The following AKAP3 variants were observed in gnomAD, a reference collection of about 807,000 sequenced individuals.
AKAP3 encodes A-kinase anchor protein 3.
AKAP3 carries 27 observed loss-of-function variants against 57.2 expected under a neutral mutation model. The observed-to-expected ratio is 0.47, with a 90% confidence interval of 0.35 to 0.65. The LOEUF is 0.65. Ranked by LOEUF, AKAP3 falls within the 30% of genes least tolerant of loss-of-function variation. AKAP3 has a pLI of 0.01. For synonymous variants in AKAP3, 334 were observed against 392.3 expected, an observed-to-expected ratio of 0.85 and a Z score of 1.76; for missense variants, 959 against 1,040.0, an observed-to-expected ratio of 0.92 and a Z score of 1.07.
intron 4 of AKAP3, chr12:4,631,355 G>A: frequency 1.4e-6 from 1 of 701,318 alleles, no homozygotes; most frequent in South Asian, 1.5e-5. Flanking sequence ...TCACATGGAA[G>A]GAGAAGTGCT....
chr12:4,630,563 T>C (rs572159501), intron 4 of AKAP3, among the ~76,000 whole-genome samples: 1 of 152,356 alleles, frequency 6.6e-6, no homozygotes, highest in African/African-American at 2.4e-5. Flanking sequence ...TTGTGCTTGG[T>C]TCAAAATTCT....
Position 4,626,966 on chromosome 12 carries a change from T to G in AKAP3, c.1936A>C (p.Thr646Pro). ...GTCAGCCCAGAAAGGGCACCAGGGGTCTCATCATCCTCATATAGCCTGGGG... is the reference window on the plus strand; with the variant it reads ...GTCAGCCCAGAAAGGGCACCAGGGGGCTCATCATCCTCATATAGCCTGGGG... ...SPPRLYEDDE[T>P]PGALSGLTKM... The change falls in exon 5 of 6, where the codon ACC becomes CCC. Residue 646 changes from threonine to proline, a missense_variant. Physicochemically the swap from Thr to Pro is conservative, Grantham distance 38. Coordinates refer to ENST00000228850, the MANE Select transcript of AKAP3 (RefSeq NM_001278309.2). 1 of 1,613,796 alleles carries G rather than the reference T, an allele frequency of 6.2e-7. No individual in the cohort carries two copies. Among genetic ancestry groups the G allele is most frequent in the Non-Finnish European group, 8.5e-7 (1 of 1,179,974 alleles).
intron 4 of AKAP3, among the ~76,000 whole-genome samples, chr12:4,633,411 C>A (rs1388586918): frequency 1.3e-5 from 2 of 152,040 alleles, no homozygotes; most frequent in African/African-American, 4.8e-5. Flanking sequence ...ATTTTTAAAC[C>A]TAAAACGTGT....
rs1455334863 is a variant in AKAP3, at chr12:4,628,487, C to T, written c.415G>A (p.Ala139Thr). Residue 139 changes from alanine to threonine, a missense_variant, in exon 5 of 6, where the codon GCC becomes ACC. Transcript: ENST00000228850. ...NRLTNLVIAMARKEINEKIDG... is the reference protein window; with the variant it reads ...NRLTNLVIAMTRKEINEKIDG... ...ATCTTCTCATTGATCTCTTTGCGGG[C>T]CATGGCTATGACTAGATTCGTGAGG... The T allele has an allele frequency of 6.2e-7, 1 of 1,614,064 alleles. No individual in the cohort carries two copies. The highest frequency in any genetic ancestry group is 8.5e-7 in the Non-Finnish European group (1 of 1,180,038).
rs750027446 is a variant in AKAP3 at position 4,628,125 on chromosome 12, C to G, written c.777G>C (p.Arg259Ser). Reference protein sequence around the residue: ...RNGDYAREGGRFFPRERKRFR... With the variant: ...RNGDYAREGGSFFPRERKRFR... ...ACCTCTTTCTCTCCCGAGGAAAGAACCTTCCACCCTCTCTGGCATAATCTC... is the reference window on the plus strand; with the variant it reads ...ACCTCTTTCTCTCCCGAGGAAAGAAGCTTCCACCCTCTCTGGCATAATCTC... The change falls in exon 5 of 6, where the codon AGG becomes AGC. Residue 259 changes from arginine (R) to serine (S), a missense_variant. Transcript: ENST00000228850. 3.5e-5 allele frequency: 56 copies of G among 1,614,046 alleles called. No homozygotes were observed. Among genetic ancestry groups the G allele is most frequent in the Non-Finnish European group, 4.6e-5 (54 of 1,180,024 alleles).
chr12:4,628,948 A>T (rs1040174875), intron 4 of AKAP3, 143 bp from the exon 5 acceptor site: 2 of 742,132 alleles, frequency 2.7e-6, no homozygotes, highest in African/African-American at 3.5e-5. Flanking sequence ...TTTATTAAGT[A>T]CTCACTGTGT....
chr12:4,636,981 A>C (rs1202926397), intron 4 of AKAP3, among the ~76,000 whole-genome samples: 1 of 152,160 alleles, frequency 6.6e-6, no homozygotes, highest in Non-Finnish European at 1.5e-5. Context: ...CCTGGGCTCA[A>C]GCAATCCTCC....
Position 4,626,550 on chromosome 12 carries a change from C to T in AKAP3, c.2352G>A (p.Glu784=). 6.2e-7 allele frequency: 1 copy of T among 1,614,174 alleles called. No homozygotes were observed. The highest frequency in any genetic ancestry group is 8.5e-7 in the Non-Finnish European group (1 of 1,180,012). The change falls in exon 5 of 6, where the codon GAG becomes GAA. Residue 784 remains glutamate, a synonymous_variant. Coordinates refer to ENST00000228850, the MANE Select transcript of AKAP3 (RefSeq NM_001278309.2). ...QAVLQWVAAS[E]LNVPILYFAG... is the part of the protein sequence containing the mutation. The stretch of plus-strand genomic sequence containing the variant: ...CAAAATACAAAATAGGGACATTGAG[C>T]TCAGAGGCAGCTACCCATTGAAGGA...
chr12:4,626,708 T>C lies in AKAP3; in HGVS notation c.2194A>G (p.Asn732Asp). Residue 732 changes from asparagine to aspartate, a missense_variant, in exon 5 of 6, where the codon AAT (asparagine) becomes GAT (aspartate). Physicochemically the swap from Asn to Asp is conservative, Grantham distance 23. Transcript: ENST00000228850. The part of the protein sequence containing the change: ...GTGSAEAVLQ[N>D]AYQAIHNEMR... ...TCATTATGGATAGCTTGATAGGCATTCTGCAGGACAGCTTCTGCTGACCCT... is the reference window on the plus strand; with the variant it reads ...TCATTATGGATAGCTTGATAGGCATCCTGCAGGACAGCTTCTGCTGACCCT... 1 of 1,614,028 alleles carries C rather than the reference T, an allele frequency of 6.2e-7. No individual in the cohort carries two copies. Among genetic ancestry groups the C allele is most frequent in the African/African-American group, 1.3e-5 (1 of 74,934 alleles).
rs145618639 is a variant in AKAP3 at position 4,626,830 on chromosome 12, G to A, written c.2072C>T (p.Ser691Leu). The A allele has an allele frequency of 7.5e-6, 12 of 1,605,928 alleles. No individual in the cohort carries two copies. Among genetic ancestry groups the A allele is most frequent in the African/African-American group, 7.0e-5 (5 of 71,788 alleles). The change falls in exon 5 of 6, where the codon TCG (serine) becomes TTG (leucine). Residue 691 changes from serine (S) to leucine (L), a missense_variant. Coordinates refer to ENST00000228850, the MANE Select transcript of AKAP3 (RefSeq NM_001278309.2). The stretch of plus-strand genomic sequence containing the variant: ...CTTGTCATCTCCCAGCTCTGCCAAC[G>A]AAGCATCACAGGACTTAGCAATGAT... ...CVIIAKSCDA[S>L]LAELGDDKSG...
rs1336296576 is a variant in AKAP3 at position 4,626,917 on chromosome 12, T to A, written c.1985A>T (p.Asp662Val). 6.2e-7 allele frequency: 1 copy of A among 1,614,148 alleles called. No homozygotes were observed. Among genetic ancestry groups the A allele is most frequent in the South Asian group, 1.1e-5 (1 of 91,084 alleles). Residue 662 changes from aspartate (D) to valine (V), a missense_variant, in exon 5 of 6, where the codon GAT becomes GTT. By Grantham distance (152) the Asp-to-Val change is radical. Transcript: ENST00000228850. ...GLTKMAVSQI[D>V]GHMSGQMVEH... ...TACCATCTGCCCACTCATGTGGCCA[T>A]CTATCTGGCTGACAGCCATCTTGGT...
chr12:4,619,049 A>G (rs1945316983), intron 5 of AKAP3, among the ~76,000 whole-genome samples: 1 of 152,248 alleles, frequency 6.6e-6, no homozygotes, highest in Admixed American at 6.5e-5. Flanking sequence ...TGAATGGCTA[A>G]TGAGCACATA....
intron 2 of AKAP3, among the ~76,000 whole-genome samples, chr12:4,643,391 T>A (rs376178904): frequency 3.0e-4 from 46 of 152,234 alleles, no homozygotes; most frequent in African/African-American, 1.0e-3. Context: ...AGTCAGTGAA[T>A]GGATTCATAA....
chr12:4,640,453 A>G (rs1945623668), intron 3 of AKAP3, among the ~76,000 whole-genome samples: 1 of 152,240 alleles, frequency 6.6e-6, no homozygotes, highest in Non-Finnish European at 1.5e-5. Context: ...TTAACTGGAA[A>G]TATTTGTTTT....
Position 4,615,716 on chromosome 12 carries a change from G to A in AKAP3, c.*23C>T, listed in dbSNP as rs1474872543. ...AAGGGCCGGCCCCACTGCCAGAAGA[G>A]GGGAAAGCAGTGGGGTTGCCGATTA... On this transcript the variant is annotated 3_prime_UTR_variant, in exon 6 of 6. Coordinates refer to ENST00000228850, the MANE Select transcript of AKAP3 (RefSeq NM_001278309.2). 6.2e-7 allele frequency: 1 copy of A among 1,608,282 alleles called. No homozygotes were observed. The highest frequency in any genetic ancestry group is 8.5e-7 in the Non-Finnish European group (1 of 1,175,812).
At chr12:4,634,855 A>G (rs1945544277) in intron 4 of AKAP3, among the ~76,000 whole-genome samples, 1 of 152,138 alleles carries the variant, frequency 6.6e-6, no homozygotes, top group Non-Finnish European at 1.5e-5. Context: ...AAAATATGGA[A>G]TGTTCATTTA....
chr12:4,637,765 C>T (rs1332752599), intron 4 of AKAP3, among the ~76,000 whole-genome samples: 1 of 152,002 alleles, frequency 6.6e-6, no homozygotes, highest in Admixed American at 6.6e-5. Context: ...ACATTTATCT[C>T]CAATTCCTCT....
intron 4 of AKAP3, among the ~76,000 whole-genome samples, chr12:4,637,853 T>C (rs1450838094): frequency 6.6e-6 from 1 of 152,196 alleles, no homozygotes; most frequent in Admixed American, 6.5e-5. Context: ...ATACATGATA[T>C]ATGTTATACA....
At position 4,643,308 on chromosome 12, in the gene AKAP3, G is replaced by A. The variant is rs537951741; in HGVS notation, c.-106-1304C>T. On this transcript the variant is annotated intron_variant, in intron 2 of 5. Coordinates refer to ENST00000228850, the MANE Select transcript of AKAP3 (RefSeq NM_001278309.2). ...TACTTTAAAACTTATTAATGATAAT[G>A]ACATTCAGATTTCTAAATCAATGTT... is the stretch of plus-strand genomic sequence containing the variant. Among the ~76,000 whole-genome samples, 28 of 152,210 alleles carry A rather than the reference G, an allele frequency of 1.8e-4. No individual in the cohort carries two copies. The South Asian group carries it at 4.4e-3, about 24-fold the overall frequency.
Sources: gnomAD v4.1 joint callset for allele counts (sites outside exome capture counted in the v4.1 genomes callset) on GRCh38, gnomAD v4.1.1 for gene constraint, MANE v1.5 for transcripts, NCBI Gene and HGNC (gene_info 2026-07-23, HGNC 2026-07-21) for gene names.